The following PDGFB variants were observed in gnomAD, a reference collection of about 807,000 sequenced individuals.
The protein encoded by PDGFB is platelet-derived growth factor subunit B.
Under a neutral mutation model 29.0 loss-of-function variants are expected in PDGFB, and 6 were observed. That is an observed-to-expected ratio of 0.21 (90% CI 0.11 to 0.41). The LOEUF (loss-of-function observed/expected upper bound fraction) is 0.41. Among genes scored for constraint, PDGFB ranks in the 10% least tolerant of loss-of-function variants. PDGFB has a pLI of 1.00. For missense variants in PDGFB, 299 were observed against 341.8 expected (o/e 0.87, Z 0.99); for synonymous variants, 144 against 140.8 (o/e 1.02, Z -0.16).
At chr22:39,240,349 CTTTT>C (rs111732285) in intron 1 of PDGFB, among the ~76,000 whole-genome samples, 2 of 148,004 alleles carry the variant, frequency 1.4e-5, no homozygotes, top group Admixed American at 1.3e-4. Flanking sequence ...TTCTCTCTCT[CTTTT>C]TTTTTTTAGG....
At chr22:39,234,705 T>A (rs557470208) in intron 2 of PDGFB, among the ~76,000 whole-genome samples, 1 of 152,340 alleles carries the variant, frequency 6.6e-6, no homozygotes, top group African/African-American at 2.4e-5. Flanking sequence ...GGGGAAAAGA[T>A]GCGCTTTGTG....
chr22:39,233,802 C>T (rs920585444), intron 2 of PDGFB, among the ~76,000 whole-genome samples: 1 of 152,220 alleles, frequency 6.6e-6, no homozygotes, highest in Admixed American at 6.5e-5. Context: ...ATAACCCTTC[C>T]CCTTTGCTAC....
chr22:39,238,382 G>T (rs1445246342), intron 1 of PDGFB, among the ~76,000 whole-genome samples: 1 of 151,962 alleles, frequency 6.6e-6, no homozygotes, highest in Admixed American at 6.6e-5. Context: ...CAGGGAGACC[G>T]TCCCTGAAGA....
chr22:39,239,183 G>A (rs1012462165), intron 1 of PDGFB, among the ~76,000 whole-genome samples: 1 of 152,122 alleles, frequency 6.6e-6, no homozygotes, highest in Admixed American at 6.6e-5. Context: ...AATTCTTTCC[G>A]GATGGCTCCT....
Position 39,244,051 on chromosome 22 carries a change from G to C in PDGFB, c.-88C>G. ...GCCAGGGTGGGGGGCTGGGGAGGGGGGTGGGCTCGGCTCGGGTCCGCGGCG... is the reference window on the plus strand; with the variant it reads ...GCCAGGGTGGGGGGCTGGGGAGGGGCGTGGGCTCGGCTCGGGTCCGCGGCG... On this transcript the variant is annotated 5_prime_UTR_variant, in exon 1 of 7. Coordinates refer to ENST00000331163, the MANE Select transcript of PDGFB (RefSeq NM_002608.4). This position sits in a 1 kb window ranked among gnomAD's most constrained non-coding sequence, Gnocchi z 4.5. 1 of 652,512 alleles carries C rather than the reference G, an allele frequency of 1.5e-6. No homozygotes were observed. The highest frequency in any genetic ancestry group is 2.4e-6 in the Non-Finnish European group (1 of 412,022). 40.4% of individuals were successfully genotyped at this position (652,512 alleles called of 1,614,324 possible). A position where few individuals can be genotyped will look rare whatever the true frequency, so the allele number is the denominator to read the frequency against.
intron 1 of PDGFB, among the ~76,000 whole-genome samples, chr22:39,236,511 C>T (rs1401804971): frequency 1.3e-5 from 2 of 152,234 alleles, no homozygotes; most frequent in East Asian, 3.8e-4. Flanking sequence ...AACCTGAAAG[C>T]TTACCCGTGC....
intron 5 of PDGFB, among the ~76,000 whole-genome samples, chr22:39,227,414 A>G (rs949440616): frequency 6.6e-6 from 1 of 152,260 alleles, no homozygotes; most frequent in Non-Finnish European, 1.5e-5. Context: ...TCTTTAAAGC[A>G]GAGAAGACAG....
rs1932098400 is a variant in PDGFB, at chr22:39,223,707, T to A, written c.*1635A>T. The A allele has an allele frequency of 1.3e-5, 2 of 152,802 alleles. No individual in the cohort carries two copies. The highest frequency in any genetic ancestry group is 4.8e-5 in the African/African-American group (2 of 41,450). The allele number at this position is 152,802 out of a possible 1,614,324, so 9.5% of individuals were successfully genotyped here. A position where few individuals can be genotyped will look rare whatever the true frequency, so the allele number is the denominator to read the frequency against. Reference sequence around the variant, plus strand: ...CATTTGGTTTTGTTTTGTGGTTATTTTTTTTTACAACTTTAAATACGGAAT... The same window carrying A: ...CATTTGGTTTTGTTTTGTGGTTATTATTTTTTACAACTTTAAATACGGAAT... On this transcript the variant is annotated 3_prime_UTR_variant, in exon 7 of 7. Coordinates refer to ENST00000331163, the MANE Select transcript of PDGFB (RefSeq NM_002608.4).
chr22:39,236,925 C>T (rs865920398), intron 1 of PDGFB, among the ~76,000 whole-genome samples: 14 of 152,098 alleles, frequency 9.2e-5, no homozygotes, highest in Non-Finnish European at 1.9e-4. Context: ...CTGGAGAGGG[C>T]ATCAATAGGC....
chr22:39,233,476 C>T lies in PDGFB; in HGVS notation c.209G>A (p.Gly70Glu), dbSNP rs1267130671. ...ACGAGCCAAGCTCTCCAGCTCGCCT[C>T]CAGAGTGGGAGCGGGTCATGTTCAG... is the stretch of plus-strand genomic sequence containing the variant. ...LDLNMTRSHS[G>E]GELESLARGR... The change falls in exon 3 of 7, where the codon GGA (glycine) becomes GAA (glutamate). Residue 70 changes from glycine to glutamate, a missense_variant. By Grantham distance (98) the Gly-to-Glu change is moderately conservative (BLOSUM62 -2). Coordinates refer to ENST00000331163, the MANE Select transcript of PDGFB (RefSeq NM_002608.4). 2 of 1,594,660 alleles carry T rather than the reference C, an allele frequency of 1.3e-6. No individual in the cohort carries two copies. The highest frequency in any genetic ancestry group is 1.7e-5 in the Admixed American group (1 of 57,464).
chr22:39,243,405 G>T lies in PDGFB; in HGVS notation c.63+496C>A, dbSNP rs1932619030. Among the ~76,000 whole-genome samples, 1 of 151,964 alleles carries T rather than the reference G, an allele frequency of 6.6e-6. No individual in the cohort carries two copies. The highest frequency in any genetic ancestry group is 1.5e-5 in the Non-Finnish European group (1 of 67,962). Reference sequence around the variant, plus strand: ...GCCGGAGGGCGTCCACCCGGACCCCGACCGGGAGCCAGGGTGGGACCCGAG... The same window carrying T: ...GCCGGAGGGCGTCCACCCGGACCCCTACCGGGAGCCAGGGTGGGACCCGAG... On this transcript the variant is annotated intron_variant, in intron 1 of 6. Transcript: ENST00000331163. The surrounding 1 kb of genome is among the most constrained non-coding windows in gnomAD (Gnocchi z 6.4).
chr22:39,240,014 G>T (rs534785376), intron 1 of PDGFB, among the ~76,000 whole-genome samples: 1 of 152,322 alleles, frequency 6.6e-6, no homozygotes, highest in South Asian at 2.1e-4. Context: ...TATTTAGATC[G>T]AATGCCAAAG....
chr22:39,225,623 CT>C (rs1387093035), intron 6 of PDGFB, 71 bp downstream of exon 6: 9 of 1,417,542 alleles, frequency 6.3e-6, no homozygotes, highest in East Asian at 4.7e-5. Context: ...ATCCTTTCCC[CT>C]GACCCCATCC....
At position 39,225,807 on chromosome 22, in the gene PDGFB, T is replaced by C. The variant is rs770422176; in HGVS notation, c.642A>G (p.Arg214=). ...PQTRVTIRTV[R]VRRPPKGKHR... ...GCTTGCCCTTGGGGGGCCGGCGGAC[T>C]CGCACCGTCCGAATGGTCACCCGAG... The change falls in exon 6 of 7, where the codon CGA becomes CGG. Residue 214 remains arginine, a synonymous_variant. Coordinates refer to ENST00000331163, the MANE Select transcript of PDGFB (RefSeq NM_002608.4). 6.2e-7 allele frequency: 1 copy of C among 1,614,082 alleles called. No homozygotes were observed. The highest frequency in any genetic ancestry group is 8.5e-7 in the Non-Finnish European group (1 of 1,179,970).
chr22:39,240,550 G>GA (rs1302340307), intron 1 of PDGFB, among the ~76,000 whole-genome samples: 3 of 152,076 alleles, frequency 2.0e-5, no homozygotes, highest in African/African-American at 7.2e-5. Flanking sequence ...CTGAAAAGGG[G>GA]GGCTGCCCTC....
In PDGFB at chr22:39,231,983, C is replaced by T. The variant is rs955806734; in HGVS notation, c.251-156G>A. ...GTCCTGGCTGTCATTAGCCATGGGACTTGGGCAGATGGCTGAGCCACTCTA... is the reference window on the plus strand; with the variant it reads ...GTCCTGGCTGTCATTAGCCATGGGATTTGGGCAGATGGCTGAGCCACTCTA... On this transcript the variant is annotated intron_variant, in intron 3 of 6. Transcript: ENST00000331163. The surrounding 1 kb of genome is among the most constrained non-coding windows in gnomAD (Gnocchi z 4.3). Among the ~76,000 whole-genome samples, 4 of 151,882 alleles carry T rather than the reference C, an allele frequency of 2.6e-5. No homozygotes were observed. The highest frequency in any genetic ancestry group is 6.6e-5 in the Admixed American group (1 of 15,252).
intron 4 of PDGFB, 113 bp from the exon 5 acceptor site, chr22:39,230,341 A>C (rs1601596903): frequency 9.2e-7 from 1 of 1,091,130 alleles, no homozygotes; most frequent in African/African-American, 1.6e-5. Flanking sequence ...TCTTTCCTCG[A>C]AAGCCCGGAG....
At chr22:39,234,061 G>A (rs142559033) in intron 2 of PDGFB, among the ~76,000 whole-genome samples, 120 of 147,876 alleles carry the variant, frequency 8.1e-4, no homozygotes, top group Non-Finnish European at 1.4e-3. Context: ...TGAAGACAGA[G>A]AAGAGGAGAA....
Position 39,242,993 on chromosome 22 carries a change from C to A in PDGFB, c.63+908G>T. On this transcript the variant is annotated intron_variant, in intron 1 of 6. Coordinates refer to ENST00000331163, the MANE Select transcript of PDGFB (RefSeq NM_002608.4). The surrounding 1 kb of genome is among the most constrained non-coding windows in gnomAD (Gnocchi z 5.7). ...TGGGAGGGGTGGGGACGGCTCCGAC[C>A]CCAGCGCTCCCTCAGATGTTTTTAT... 2 of 233,164 alleles carry A rather than the reference C, an allele frequency of 8.6e-6. No individual in the cohort carries two copies. The highest frequency in any genetic ancestry group is 1.7e-5 in the Non-Finnish European group (2 of 117,954). 14.4% of individuals were successfully genotyped at this position (233,164 alleles called of 1,614,324 possible). A position where few individuals can be genotyped will look rare whatever the true frequency, so the allele number is the denominator to read the frequency against.
Sources: allele counts gnomAD v4.1 joint callset (sites outside exome capture counted in the v4.1 genomes callset), GRCh38; gene constraint gnomAD v4.1.1; non-coding constraint Gnocchi (gnomAD v3.1); transcripts MANE v1.5; gene names NCBI Gene and HGNC (gene_info 2026-07-23, HGNC 2026-07-21).